The following TENM3 variants were observed in gnomAD, a reference collection of about 807,000 sequenced individuals.
The protein encoded by TENM3 is teneurin-3.
A neutral mutation model predicts 255.1 loss-of-function variants in TENM3; 63 were observed. The observed-to-expected ratio is 0.25, with a 90% CI of 0.20 to 0.30. The LOEUF is 0.30. Ranked by LOEUF, TENM3 falls within the 10% of genes least tolerant of loss-of-function variation. The pLI is 1.00. For synonymous variants in TENM3, 1,306 were observed against 1,322.3 expected (o/e 0.99, Z 0.27); for missense variants, 2,929 against 3,461.1 (o/e 0.85, Z 3.86).
intron 5 of TENM3, chr4:182,631,465 G>A (rs907058038): frequency 1.3e-5 from 2 of 151,998 alleles, no homozygotes; most frequent in African/African-American, 2.4e-5. Flanking sequence ...AATTTCATTC[G>A]CTCATCAGTT....
At chr4:182,230,059 A>G (rs1385473589) in intron 1 of TENM3, among the ~76,000 whole-genome samples, 2 of 151,344 alleles carry the variant, frequency 1.3e-5, no homozygotes, top group Non-Finnish European at 2.9e-5. Flanking sequence ...GTAGCCAGAG[A>G]CTCACTGAAC....
chr4:182,314,217 C>T (rs894395002), intron 1 of TENM3, among the ~76,000 whole-genome samples: 5 of 151,876 alleles, frequency 3.3e-5, no homozygotes, highest in Non-Finnish European at 5.9e-5. Flanking sequence ...AGGAGAATGG[C>T]GTGAACCTGG....
chr4:182,144,924 C>G (rs964109121), intron 1 of TENM3: 2 of 151,800 alleles, frequency 1.3e-5, no homozygotes, highest in African/African-American at 2.4e-5. Flanking sequence ...TCCGGCCTCC[C>G]CGTCCCCGCC....
chr4:182,581,982 A>G (rs1745537258), intron 3 of TENM3, among the ~76,000 whole-genome samples: 1 of 152,182 alleles, frequency 6.6e-6, no homozygotes, highest in Non-Finnish European at 1.5e-5. Context: ...AAATGAGACA[A>G]AAGACCGCCC....
chr4:182,232,095 T>G (rs1756618827), intron 1 of TENM3, among the ~76,000 whole-genome samples: 1 of 152,216 alleles, frequency 6.6e-6, no homozygotes, highest in Admixed American at 6.5e-5. Flanking sequence ...TGTTTTATCT[T>G]GTTTTGAGGT....
chr4:182,160,244 C>T (rs1415907157), intron 1 of TENM3, among the ~76,000 whole-genome samples: 3 of 151,812 alleles, frequency 2.0e-5, no homozygotes, highest in East Asian at 1.9e-4. Flanking sequence ...CCTCGTGATC[C>T]GCCCGCCTCG....
At chr4:182,409,737 T>C (rs974572302) in intron 3 of TENM3, among the ~76,000 whole-genome samples, 9 of 152,248 alleles carry the variant, frequency 5.9e-5, no homozygotes, top group African/African-American at 1.9e-4. Context: ...CTGCAATTAA[T>C]AGACATTTTC....
At chr4:182,064,347 G>A in the TENM3 span, among the ~76,000 whole-genome samples, 1 of 152,170 alleles carries the variant, frequency 6.6e-6, no homozygotes, top group Non-Finnish European at 1.5e-5. Context: ...GGGAGGCTGA[G>A]AAGGGCGGAT....
intron 3 of TENM3, 50 bp downstream of exon 3, chr4:182,346,979 G>T: frequency 5.4e-6 from 7 of 1,305,764 alleles, no homozygotes; most frequent in South Asian, 4.9e-5. Context: ...GCTTCTGTCT[G>T]TTTTGGTTGA....
At chr4:182,535,663 C>T (rs1740228244) in intron 3 of TENM3, among the ~76,000 whole-genome samples, 1 of 151,786 alleles carries the variant, frequency 6.6e-6, no homozygotes, top group Non-Finnish European at 1.5e-5. Flanking sequence ...TTACTTGAGC[C>T]CAGGAGTTCG....
At chr4:182,190,768 T>C (rs1753470759) in intron 1 of TENM3, among the ~76,000 whole-genome samples, 1 of 152,192 alleles carries the variant, frequency 6.6e-6, no homozygotes, top group African/African-American at 2.4e-5. Context: ...TAATTCACGT[T>C]TTGCCCACAC....
the TENM3 span, among the ~76,000 whole-genome samples, chr4:181,803,714 T>A: frequency 2.6e-5 from 4 of 151,922 alleles, no homozygotes; most frequent in African/African-American, 9.7e-5. Context: ...CCTTTAATCA[T>A]GAGGCCAGGA....
intron 10 of TENM3, 101 bp downstream of exon 10, chr4:182,680,838 T>G: frequency 1.1e-6 from 1 of 885,102 alleles, no homozygotes; most frequent in East Asian, 3.2e-5. Flanking sequence ...TACGCTTCCT[T>G]TTGAAAGCAA....
At chr4:181,920,971 C>A in the TENM3 span, among the ~76,000 whole-genome samples, 312 of 152,278 alleles carry the variant, frequency 2.0e-3, 2 homozygotes, top group Middle Eastern at 0.017. Context: ...GTTTTCCCAG[C>A]ACCATTTATT....
At chr4:182,276,653 C>T (rs1760022551) in intron 1 of TENM3, among the ~76,000 whole-genome samples, 1 of 152,170 alleles carries the variant, frequency 6.6e-6, no homozygotes, top group Non-Finnish European at 1.5e-5. Context: ...AAATAATGTG[C>T]AGCACTTAAC....
intron 12 of TENM3, among the ~76,000 whole-genome samples, chr4:182,698,298 A>G (rs1757586411): frequency 6.6e-6 from 1 of 152,190 alleles, no homozygotes; most frequent in East Asian, 1.9e-4. Flanking sequence ...GTATACTATA[A>G]AGCCCCAAAG....
At chr4:182,774,888 A>G in intron 23 of TENM3, 30 bp from the exon 24 acceptor site, 1 of 1,496,558 alleles carries the variant, frequency 6.7e-7, no homozygotes, top group Non-Finnish European at 9.2e-7. Context: ...CATATCTAAT[A>G]GTTCATGTTT....
chr4:181,861,466 C>T, the TENM3 span, among the ~76,000 whole-genome samples: 1 of 152,076 alleles, frequency 6.6e-6, no homozygotes, highest in Non-Finnish European at 1.5e-5. Context: ...CAAGATGCAC[C>T]TGAAATATTC....
chr4:181,839,363 A>ATG, the TENM3 span, among the ~76,000 whole-genome samples: 2 of 59,178 alleles, frequency 3.4e-5, 1 homozygote, highest in African/African-American at 1.1e-4. Context: ...ATATATATAT[A>ATG]TATATATATA....
Sources: allele counts gnomAD v4.1 joint callset (sites outside exome capture counted in the v4.1 genomes callset), GRCh38; gene constraint gnomAD v4.1.1; transcripts MANE v1.5; gene names NCBI Gene and HGNC (gene_info 2026-07-23, HGNC 2026-07-21).